PRKN: variants seen among roughly 807,000 people sequenced by gnomAD.
PRKN encodes the protein parkin RBR E3 ubiquitin protein ligase, also known as E3 ubiquitin-protein ligase parkin.
Under a neutral mutation model 59.5 loss-of-function variants are expected in PRKN, and 56 were observed. That is an observed-to-expected ratio of 0.94 (90% CI 0.76 to 1.18). PRKN has a LOEUF of 1.18. Among genes scored for constraint, PRKN ranks in the 50% most tolerant of loss-of-function variants. The probability of loss-of-function intolerance (pLI) is 0.00; values close to 1 mark genes in which losing one functional copy is unlikely to be tolerated. For missense variants in PRKN, 657 were observed against 596.4 expected, an observed-to-expected ratio of 1.10 and a Z score of -1.06; for synonymous variants, 250 against 222.1, an observed-to-expected ratio of 1.13 and a Z score of -1.12.
At chr6:162,241,022 G>A (rs903424162) in intron 3 of PRKN, among the ~76,000 whole-genome samples, 1 of 152,178 alleles carries the variant, frequency 6.6e-6, no homozygotes, top group Admixed American at 6.5e-5. Context: ...CAGATTTGGA[G>A]TTGACTTTTT....
intron 7 of PRKN, among the ~76,000 whole-genome samples, chr6:161,772,708 G>A (rs1489170845): frequency 6.6e-6 from 1 of 152,094 alleles, no homozygotes; most frequent in Non-Finnish European, 1.5e-5. Flanking sequence ...ATCTCTGATT[G>A]TAAGCTTAAA....
chr6:161,652,917 C>A lies in PRKN; in HGVS notation c.872-83501G>T, dbSNP rs116380228. Among the ~76,000 whole-genome samples, 1,150 of 152,230 alleles carry A rather than the reference C, an allele frequency of 7.6e-3. 13 individuals are homozygous for A. The highest frequency in any genetic ancestry group is 0.026 in the African/African-American group (1,099 of 41,538). ...AATTCAACATAGTTTTTCAAACTGA[C>A]GAAAAGTACCTAGATGGCATTAAAC... On this transcript the variant is annotated intron_variant, in intron 7 of 11. Coordinates refer to ENST00000366898, the MANE Select transcript of PRKN (RefSeq NM_004562.3).
chr6:162,134,357 T>C (rs956558444), intron 4 of PRKN, among the ~76,000 whole-genome samples: 1 of 152,218 alleles, frequency 6.6e-6, no homozygotes, highest in African/African-American at 2.4e-5. Flanking sequence ...AATCTCTTAT[T>C]AGTTGAAAAA....
At chr6:162,156,174 C>A (rs1434100720) in intron 4 of PRKN, among the ~76,000 whole-genome samples, 2 of 152,222 alleles carry the variant, frequency 1.3e-5, no homozygotes, top group Non-Finnish European at 2.9e-5. Context: ...ATATTGGATA[C>A]CAATGACAGT....
chr6:161,420,047 G>T (rs1788019856), intron 9 of PRKN, among the ~76,000 whole-genome samples: 1 of 151,868 alleles, frequency 6.6e-6, no homozygotes, highest in African/African-American at 2.4e-5. Flanking sequence ...GACCATCCTG[G>T]CTAACACGGT....
At chr6:162,172,977 G>A (rs896383885) in intron 4 of PRKN, among the ~76,000 whole-genome samples, 1 of 152,154 alleles carries the variant, frequency 6.6e-6, no homozygotes, top group African/African-American at 2.4e-5. Context: ...AACAGCCTAG[G>A]GGTGAGATAA....
At chr6:161,565,200 T>C (rs1780594949) in intron 8 of PRKN, among the ~76,000 whole-genome samples, 1 of 152,178 alleles carries the variant, frequency 6.6e-6, no homozygotes, top group Non-Finnish European at 1.5e-5. Flanking sequence ...CCTCTTGTTT[T>C]TGTTACATTT....
chr6:161,599,984 A>G lies in PRKN; in HGVS notation c.872-30568T>C, dbSNP rs537722774. On this transcript the variant is annotated intron_variant, in intron 7 of 11. Coordinates refer to ENST00000366898, the MANE Select transcript of PRKN (RefSeq NM_004562.3). ...GGTGCAATTTTCCCAAACATCCCGC[A>G]CACGTGAAAACACCATGTTTGTTTC... 2.2e-4 allele frequency among the ~76,000 whole-genome samples: 34 copies of G among 152,304 alleles called. No homozygotes were observed. In the South Asian group the frequency reaches 6.8e-3, roughly 31 times the overall value.
intron 1 of PRKN, among the ~76,000 whole-genome samples, chr6:162,683,197 C>T (rs550052702): frequency 6.6e-6 from 1 of 152,176 alleles, no homozygotes; most frequent in Admixed American, 6.5e-5. Context: ...TATTCTAGGC[C>T]TATGCTGTCC....
intron 5 of PRKN, among the ~76,000 whole-genome samples, chr6:162,003,589 A>T (rs1272767025): frequency 6.6e-6 from 1 of 152,060 alleles, no homozygotes; most frequent in African/African-American, 2.4e-5. Flanking sequence ...GTCCTTACTG[A>T]TTATTTACAT....
chr6:162,564,371 A>AC (rs1471991275), intron 1 of PRKN, among the ~76,000 whole-genome samples: 2 of 152,066 alleles, frequency 1.3e-5, no homozygotes, highest in Admixed American at 6.6e-5. Context: ...AACAAAAAAA[A>AC]CAGTAATTGG....
Position 161,550,423 on chromosome 6 carries a change from C to T in PRKN, c.934-1420G>A, listed in dbSNP as rs1192262462. ...TATGTTCGGAATACCCTCTGGAGGGCCAGGGTGTAGGCAGGAAGCAGAGAA... is the reference window on the plus strand; with the variant it reads ...TATGTTCGGAATACCCTCTGGAGGGTCAGGGTGTAGGCAGGAAGCAGAGAA... On this transcript the variant is annotated intron_variant, in intron 8 of 11. Transcript: ENST00000366898. The surrounding 1 kb of genome is among the most constrained non-coding windows in gnomAD (Gnocchi z 4.0). 6.6e-6 allele frequency among the ~76,000 whole-genome samples: 1 copy of T among 152,124 alleles called. No individual in the cohort carries two copies. The highest frequency in any genetic ancestry group is 2.4e-5 in the African/African-American group (1 of 41,422).
At position 161,348,785 on chromosome 6, in the gene PRKN, A is replaced by G. The variant is rs1181874031; in HGVS notation, c.*1314T>C. On this transcript the variant is annotated 3_prime_UTR_variant, in exon 12 of 12. Coordinates refer to ENST00000366898, the MANE Select transcript of PRKN (RefSeq NM_004562.3). The surrounding 1 kb of genome is among the most constrained non-coding windows in gnomAD (Gnocchi z 4.9). ...CTGAGAAGTCAGACAATACAGGTAGAACAAAAGATAGTGGTTGTACTTTCT... is the reference window on the plus strand; with the variant it reads ...CTGAGAAGTCAGACAATACAGGTAGGACAAAAGATAGTGGTTGTACTTTCT... 9.5e-6 allele frequency: 2 copies of G among 210,044 alleles called. No individual in the cohort carries two copies. The highest frequency in any genetic ancestry group is 1.4e-4 in the East Asian group (2 of 14,078). 13.0% of individuals were successfully genotyped at this position (210,044 alleles called of 1,614,324 possible).
At chr6:162,028,969 G>A (rs1334655449) in intron 5 of PRKN, among the ~76,000 whole-genome samples, 1 of 152,198 alleles carries the variant, frequency 6.6e-6, no homozygotes, top group African/African-American at 2.4e-5. Context: ...CTGTGGTGAT[G>A]TTTAGAATGA....
intron 1 of PRKN, among the ~76,000 whole-genome samples, chr6:162,517,081 TC>T (rs1777891941): frequency 6.6e-6 from 1 of 152,014 alleles, no homozygotes. Flanking sequence ...AAGGAGGCTC[TC>T]AAGAATACAG....
chr6:162,712,745 T>C (rs546508720), intron 1 of PRKN, among the ~76,000 whole-genome samples: 1 of 152,350 alleles, frequency 6.6e-6, no homozygotes, highest in Admixed American at 6.5e-5. Flanking sequence ...ATACTTAATG[T>C]CCAAACATGA....
At chr6:161,501,468 A>T (rs1276006092) in intron 9 of PRKN, among the ~76,000 whole-genome samples, 1 of 151,850 alleles carries the variant, frequency 6.6e-6, no homozygotes, top group African/African-American at 2.4e-5. Context: ...AATCTTGTTG[A>T]TAGTTTTCTT....
chr6:161,398,632 G>A (rs62435926), intron 9 of PRKN, among the ~76,000 whole-genome samples: 10,310 of 152,218 alleles, frequency 0.068, 413 homozygotes, highest in Non-Finnish European at 0.08. Context: ...TTTCAGAGGA[G>A]TCACAATTCA....
intron 1 of PRKN, among the ~76,000 whole-genome samples, chr6:162,655,250 TA>T (rs1162649676): frequency 6.6e-6 from 1 of 152,146 alleles, no homozygotes; most frequent in African/African-American, 2.4e-5. Context: ...ATGAAGTCTA[TA>T]AAAAAGGAAA....
Sources: allele counts gnomAD v4.1 joint callset (sites outside exome capture counted in the v4.1 genomes callset), GRCh38; gene constraint gnomAD v4.1.1; non-coding constraint Gnocchi (gnomAD v3.1); transcripts MANE v1.5; gene names NCBI Gene and HGNC (gene_info 2026-07-23, HGNC 2026-07-21).